Variants in IMPA1 observed in about 807,000 individuals in gnomAD.
IMPA1 encodes the protein inositol monophosphatase 1.
In IMPA1, 21 loss-of-function variants were observed where a neutral mutation model predicts 34.9. That is an observed-to-expected ratio of 0.60 (90% confidence interval 0.43 to 0.87). The LOEUF (loss-of-function observed/expected upper bound fraction) is 0.87, where lower values mean the gene tolerates loss of function less well. IMPA1 is among the 40% of genes least tolerant of loss of function. The pLI is 0.00. For missense variants in IMPA1, 299 were observed against 336.4 expected, an observed-to-expected ratio of 0.89 and a Z score of 0.87; for synonymous variants, 95 against 104.4, an observed-to-expected ratio of 0.91 and a Z score of 0.55.
chr8:81,684,812 G>T (rs185616173), intron 1 of IMPA1, among the ~76,000 whole-genome samples: 2,683 of 137,708 alleles, frequency 0.019, 138 homozygotes, highest in African/African-American at 0.067. Context: ...ATACTATGTG[G>T]AGTATATATA....
intron 6 of IMPA1, among the ~76,000 whole-genome samples, chr8:81,673,054 A>C (rs528283868): frequency 1.2e-3 from 179 of 152,304 alleles, no homozygotes; most frequent in African/African-American, 3.8e-3. Flanking sequence ...GACACCTACA[A>C]AGACAAAAGA....
At chr8:81,679,335 G>T in intron 3 of IMPA1, 105 bp from the exon 4 acceptor site, 1 of 767,006 alleles carries the variant, frequency 1.3e-6, no homozygotes, top group Non-Finnish European at 2.3e-6. Context: ...CATAGCAGGC[G>T]AGGTGTGGAG....
intron 1 of IMPA1, chr8:81,686,022 T>A: frequency 7.5e-7 from 1 of 1,325,748 alleles, no homozygotes; most frequent in South Asian, 1.6e-5. Context: ...GCCACAGAGG[T>A]TAAGTGAGGT....
chr8:81,666,869 C>CAAAAA (rs33975606), intron 7 of IMPA1, among the ~76,000 whole-genome samples: 1 of 39,340 alleles, frequency 2.5e-5, no homozygotes, highest in South Asian at 1.2e-3. Context: ...GACTCTGTCT[C>CAAAAA]AAAAAAAAAA....
chr8:81,685,970 G>C, intron 1 of IMPA1: 2 of 1,481,484 alleles, frequency 1.3e-6, no homozygotes, highest in Non-Finnish European at 1.8e-6. Flanking sequence ...GGAGCTTTTC[G>C]GAGTTGGGGA....
chr8:81,667,706 A>G (rs978728785), intron 7 of IMPA1, among the ~76,000 whole-genome samples: 1 of 151,562 alleles, frequency 6.6e-6, no homozygotes, highest in African/African-American at 2.4e-5. Context: ...AAATAGGAAC[A>G]GTATTCTGAT....
In IMPA1 at chr8:81,685,470, C is replaced by T. The variant is rs182739148; in HGVS notation, c.-25+782G>A. Among the ~76,000 whole-genome samples the T allele has an allele frequency of 9.3e-3, 1,285 of 138,596 alleles. 56 individuals are homozygous for T. Among genetic ancestry groups the T allele is most frequent in the Admixed American group, 0.082 (1,109 of 13,476 alleles). 90.9% of individuals were successfully genotyped at this position (138,596 alleles called of 152,430 possible). A position where few individuals can be genotyped will look rare whatever the true frequency, so the allele number is the denominator to read the frequency against. Reference sequence around the variant, plus strand: ...CTGTACTATATATAAGTATATATACCTAAGTATATTTCTGTACTATATATA... The same window carrying T: ...CTGTACTATATATAAGTATATATACTTAAGTATATTTCTGTACTATATATA... On this transcript the variant is annotated intron_variant, in intron 1 of 8. Coordinates refer to ENST00000256108, the MANE Select transcript of IMPA1 (RefSeq NM_005536.4).
chr8:81,660,453 T>C, intron 8 of IMPA1, 63 bp downstream of exon 8: 1 of 1,502,398 alleles, frequency 6.7e-7, no homozygotes, highest in Non-Finnish European at 9.2e-7. Flanking sequence ...GTTTTTTAAA[T>C]TCTACATATG....
intron 6 of IMPA1, among the ~76,000 whole-genome samples, chr8:81,673,516 C>T (rs1216552598): frequency 6.6e-6 from 1 of 152,192 alleles, no homozygotes; most frequent in African/African-American, 2.4e-5. Flanking sequence ...GGCTGTGTCA[C>T]CTTAACTCCT....
At chr8:81,679,273 T>G (rs1807222017) in intron 3 of IMPA1, 43 bp from the exon 4 acceptor site, 1 of 1,226,954 alleles carries the variant, frequency 8.2e-7, no homozygotes, top group Non-Finnish European at 1.2e-6. Flanking sequence ...TACACTGATT[T>G]CAACAATTTC....
At chr8:81,680,052 T>C (rs1402076442) in intron 3 of IMPA1, among the ~76,000 whole-genome samples, 1 of 151,262 alleles carries the variant, frequency 6.6e-6, no homozygotes, top group Non-Finnish European at 1.5e-5. Context: ...GGAGAATCAC[T>C]TGAACCTGGG....
In IMPA1 at chr8:81,671,014, C is replaced by T; in HGVS notation, c.491G>A (p.Gly164Asp). Residue 164 changes from glycine (G) to aspartate (D), a missense_variant, in exon 7 of 9, where the codon GGC (glycine) becomes GAC (aspartate). Gly to Asp is a moderately conservative substitution (Grantham distance 94). Transcript: ENST00000256108. ...CACAGTCTCTGGTGTTCTGGAAGAG[C>T]CCAACTCAGTCACCAAGAGAGATTT... ...ITKSLLVTELGSSRTPETVRM... is the reference protein window; with the variant it reads ...ITKSLLVTELDSSRTPETVRM... 6.6e-7 allele frequency: 1 copy of T among 1,525,506 alleles called. No individual in the cohort carries two copies. The highest frequency in any genetic ancestry group is 8.7e-7 in the Non-Finnish European group (1 of 1,148,124). The allele number at this position is 1,525,506 out of a possible 1,614,324, so 94.5% of individuals were successfully genotyped here.
In IMPA1 at chr8:81,658,312, G is replaced by A. The variant is rs1806574346; in HGVS notation, c.*1039C>T. On this transcript the variant is annotated 3_prime_UTR_variant, in exon 9 of 9. Transcript: ENST00000256108. Reference sequence around the variant, plus strand: ...TTCTTTTTGAGTTCTGCAGAGCAATGACCACTAAGAAATATTTTTAAAGGC... The same window carrying A: ...TTCTTTTTGAGTTCTGCAGAGCAATAACCACTAAGAAATATTTTTAAAGGC... The A allele has an allele frequency of 6.6e-6, 1 of 152,120 alleles. No homozygotes were observed. Among genetic ancestry groups the A allele is most frequent in the African/African-American group, 2.4e-5 (1 of 41,430 alleles). 9.4% of individuals were successfully genotyped at this position (152,120 alleles called of 1,614,324 possible). A position where few individuals can be genotyped will look rare whatever the true frequency, so the allele number is the denominator to read the frequency against.
At chr8:81,666,498 T>C (rs1805363234) in intron 7 of IMPA1, among the ~76,000 whole-genome samples, 1 of 152,200 alleles carries the variant, frequency 6.6e-6, no homozygotes, top group Non-Finnish European at 1.5e-5. Context: ...ATGCTGTATA[T>C]GACAGGCACA....
chr8:81,660,731 T>C, intron 7 of IMPA1, 64 bp from the exon 8 acceptor site: 1 of 1,339,082 alleles, frequency 7.5e-7, no homozygotes, highest in South Asian at 1.4e-5. Flanking sequence ...ATATTCCTCC[T>C]TAACTTCACT....
chr8:81,670,887 G>T (rs1047341273), intron 7 of IMPA1, 52 bp downstream of exon 7: 5 of 872,032 alleles, frequency 5.7e-6, no homozygotes, highest in Non-Finnish European at 8.8e-6. Context: ...AAAGGTGTGT[G>T]CACACACACA....
intron 7 of IMPA1, among the ~76,000 whole-genome samples, chr8:81,666,695 G>A (rs982032196): frequency 1.3e-4 from 19 of 151,938 alleles, no homozygotes; most frequent in African/African-American, 3.9e-4. Context: ...CCAACATGGC[G>A]AAACCCTGTC....
At chr8:81,665,242 G>C (rs1031870789) in intron 7 of IMPA1, among the ~76,000 whole-genome samples, 4 of 152,008 alleles carry the variant, frequency 2.6e-5, no homozygotes, top group Non-Finnish European at 5.9e-5. Flanking sequence ...ACAAAAACTT[G>C]TGAATACTGA....
intron 8 of IMPA1, among the ~76,000 whole-genome samples, chr8:81,659,984 TG>T (rs79086001): frequency 0.026 from 3,998 of 152,120 alleles, 87 homozygotes; most frequent in East Asian, 0.086. Flanking sequence ...CAAAGAGCTC[TG>T]GGTATAAGCC....
Sources: gnomAD v4.1 joint callset for allele counts (sites outside exome capture counted in the v4.1 genomes callset) on GRCh38, gnomAD v4.1.1 for gene constraint, MANE v1.5 for transcripts, NCBI Gene and HGNC (gene_info 2026-07-23, HGNC 2026-07-21) for gene names.